The following PPP6R2 variants were observed in gnomAD, a reference collection of about 807,000 sequenced individuals.
The protein encoded by PPP6R2 is serine/threonine-protein phosphatase 6 regulatory subunit 2.
In PPP6R2, 62 loss-of-function variants were observed where a neutral mutation model predicts 100.2. The ratio of observed to expected loss-of-function variants is 0.62; its 90% confidence interval spans 0.50 to 0.76. PPP6R2 has a LOEUF of 0.76. Ranked by LOEUF, PPP6R2 falls within the 30% of genes least tolerant of loss-of-function variation. The pLI is 0.00. For missense variants in PPP6R2, 1,142 were observed against 1,276.3 expected (o/e 0.89, Z 1.60); for synonymous variants, 525 against 514.7 (o/e 1.02, Z -0.27).
In PPP6R2 at chr22:50,427,583, C is replaced by T. The variant is rs1253096734; in HGVS notation, c.1126-3590C>T. 2.6e-5 allele frequency among the ~76,000 whole-genome samples: 4 copies of T among 152,302 alleles called. No individual in the cohort carries two copies. In the East Asian group the frequency reaches 7.7e-4, roughly 29 times the overall value. On this transcript the variant is annotated intron_variant, in intron 10 of 23. Transcript: ENST00000612753. The stretch of plus-strand genomic sequence containing the variant: ...TATTTCTATTTTTGAGACAGAACCT[C>T]ACCCTGTTGCCCAGGCTGGAGTGCA...
At chr22:50,375,145 C>T (rs2051197487) in intron 2 of PPP6R2, among the ~76,000 whole-genome samples, 1 of 151,906 alleles carries the variant, frequency 6.6e-6, no homozygotes, top group South Asian at 2.1e-4. Flanking sequence ...ATTATAGAAT[C>T]GTGTTATCAA....
rs1477638860 is a variant in PPP6R2 at position 50,440,980 on chromosome 22, G to A, written c.2533G>A (p.Ala845Thr). 2 of 1,610,662 alleles carry A rather than the reference G, an allele frequency of 1.2e-6. No homozygotes were observed. The highest frequency in any genetic ancestry group is 2.7e-5 in the African/African-American group (2 of 74,880). The change falls in exon 22 of 24, where the codon GCC becomes ACC. Residue 845 changes from alanine (A) to threonine (T), a missense_variant. Ala to Thr is a moderately conservative substitution (Grantham distance 58). Around this residue, in one of 2 missense-constraint regions of PPP6R2, gnomAD observed 550 missense variants for 517.4 expected, o/e 1.06. Coordinates refer to ENST00000612753, the MANE Select transcript of PPP6R2 (RefSeq NM_001242898.2). The part of the protein sequence containing the change: ...DAVSRGPGRE[A>T]PPLPTVARTE... ...GGTGAGCAGGGGTCCCGGCCGGGAG[G>A]CCCCCCCGCTGCCCACAGTGGCCAG...
chr22:50,387,974 C>G (rs1165792669), intron 2 of PPP6R2, among the ~76,000 whole-genome samples: 1 of 152,064 alleles, frequency 6.6e-6, no homozygotes, highest in African/African-American at 2.4e-5. Flanking sequence ...CAGCTCACAC[C>G]GCAGAGCTAG....
rs1444250986 is a variant in PPP6R2, at chr22:50,343,451, C to G, written c.-247C>G. 6.6e-6 allele frequency: 1 copy of G among 151,368 alleles called. No individual in the cohort carries two copies. The highest frequency in any genetic ancestry group is 1.5e-5 in the Non-Finnish European group (1 of 67,608). 9.4% of individuals were successfully genotyped at this position (151,368 alleles called of 1,614,324 possible). ...CGGGCCCATGTGTGTGCGGCCCGCC[C>G]GAGGCCGCCCGGGCTTTGCCTCCAC... On this transcript the variant is annotated 5_prime_UTR_variant, in exon 1 of 24. Transcript: ENST00000612753.
At chr22:50,358,356 T>C (rs1392612608) in intron 1 of PPP6R2, among the ~76,000 whole-genome samples, 1 of 152,220 alleles carries the variant, frequency 6.6e-6, no homozygotes, top group African/African-American at 2.4e-5. Context: ...ACCAATTTTT[T>C]CTGTTATGAT....
intron 2 of PPP6R2, among the ~76,000 whole-genome samples, chr22:50,383,142 T>A (rs7287102): frequency 5.4e-4 from 82 of 152,064 alleles, no homozygotes; most frequent in African/African-American, 2.0e-3. Context: ...CCGGCCTGAT[T>A]TAGAAATGAT....
chr22:50,405,083 T>C (rs1227306225), intron 3 of PPP6R2, among the ~76,000 whole-genome samples: 1 of 152,256 alleles, frequency 6.6e-6, no homozygotes. Flanking sequence ...CTCACATGGT[T>C]CCTGAGCGGC....
At chr22:50,436,190 G>A (rs1295731798) in intron 13 of PPP6R2, among the ~76,000 whole-genome samples, 177 bp from the exon 14 acceptor site, 1 of 152,232 alleles carries the variant, frequency 6.6e-6, no homozygotes, top group African/African-American at 2.4e-5. Context: ...CCGGACACGC[G>A]GCTATGCTGC....
At chr22:50,398,072 C>G (rs568639152) in intron 3 of PPP6R2, among the ~76,000 whole-genome samples, 12 of 152,166 alleles carry the variant, frequency 7.9e-5, no homozygotes, top group South Asian at 6.2e-4. Flanking sequence ...GTGGCTCACG[C>G]TGGTAATCCC....
the PPP6R2 span, among the ~76,000 whole-genome samples, chr22:50,338,076 G>GTT: frequency 6.8e-6 from 1 of 147,914 alleles, no homozygotes; most frequent in African/African-American, 2.5e-5. Flanking sequence ...TGTGTGGTGT[G>GTT]TGTGATGTGT....
At chr22:50,398,902 G>A (rs1345586670) in intron 3 of PPP6R2, among the ~76,000 whole-genome samples, 3 of 152,148 alleles carry the variant, frequency 2.0e-5, no homozygotes, top group Non-Finnish European at 4.4e-5. Flanking sequence ...GTCTGTCTGC[G>A]TCACATGACT....
At chr22:50,421,882 T>A (rs571745541) in intron 8 of PPP6R2, among the ~76,000 whole-genome samples, 4 of 151,866 alleles carry the variant, frequency 2.6e-5, no homozygotes, top group South Asian at 4.2e-4. Flanking sequence ...AAAATAAAAA[T>A]AAATAAAAAT....
intron 22 of PPP6R2, among the ~76,000 whole-genome samples, chr22:50,442,388 C>G (rs1569500765): frequency 6.6e-6 from 1 of 152,238 alleles, no homozygotes; most frequent in Non-Finnish European, 1.5e-5. Context: ...ACCCTGTCTT[C>G]AGGGCATCTG....
intron 4 of PPP6R2, among the ~76,000 whole-genome samples, chr22:50,408,017 G>A (rs2059214920): frequency 6.6e-6 from 1 of 152,086 alleles, no homozygotes. Flanking sequence ...CTGAGTAGCT[G>A]GGACTACAGG....
upstream of PPP6R2, among the ~76,000 whole-genome samples, chr22:50,342,109 C>T (rs1432422572): frequency 6.6e-6 from 1 of 152,342 alleles, no homozygotes; most frequent in East Asian, 1.9e-4. Flanking sequence ...GGAGCATCTC[C>T]TGCATCTGGT....
chr22:50,424,625 C>CTCT (rs1182636441), intron 10 of PPP6R2, among the ~76,000 whole-genome samples: 4 of 132,252 alleles, frequency 3.0e-5, no homozygotes, highest in East Asian at 2.6e-4. Context: ...TTCCTTTTCC[C>CTCT]TCTTCTTCTT....
At chr22:50,389,795 G>T (rs1490073708) in intron 2 of PPP6R2, among the ~76,000 whole-genome samples, 4 of 151,410 alleles carry the variant, frequency 2.6e-5, no homozygotes, top group Admixed American at 6.6e-5. Context: ...GATGGGGTTG[G>T]CCAGGCTGGT....
intron 1 of PPP6R2, among the ~76,000 whole-genome samples, chr22:50,368,279 C>T (rs934620825): frequency 6.6e-6 from 1 of 152,088 alleles, no homozygotes; most frequent in South Asian, 2.1e-4. Flanking sequence ...AGTCTTCTGT[C>T]GCTCGCCCAG....
intron 1 of PPP6R2, among the ~76,000 whole-genome samples, chr22:50,359,085 C>T (rs1394782380): frequency 6.6e-6 from 1 of 150,458 alleles, no homozygotes; most frequent in Non-Finnish European, 1.5e-5. Flanking sequence ...CTGCAACCTC[C>T]ACCTCCTGGG....
Sources: gnomAD v4.1 joint callset for allele counts (sites outside exome capture counted in the v4.1 genomes callset) on GRCh38, gnomAD v4.1.1 for gene constraint, gnomAD v4.1.1 regional missense constraint, MANE v1.5 for transcripts, NCBI Gene and HGNC (gene_info 2026-07-23, HGNC 2026-07-21) for gene names.